PRKD3: variants seen among roughly 807,000 people sequenced by gnomAD.
The protein encoded by PRKD3 is serine/threonine-protein kinase D3.
A neutral mutation model predicts 99.2 loss-of-function variants in PRKD3; 47 were observed. The observed-to-expected ratio is 0.47, with a 90% CI of 0.38 to 0.60. PRKD3 has a LOEUF of 0.60. Ranked by LOEUF, PRKD3 falls within the 20% of genes least tolerant of loss-of-function variation. The pLI is 0.00. For missense variants in PRKD3, 1,019 were observed against 1,088.4 expected (o/e 0.94, Z 0.90); for synonymous variants, 392 against 355.4 (o/e 1.10, Z -1.16).
intron 3 of PRKD3, among the ~76,000 whole-genome samples, chr2:37,291,489 G>A (rs1299591076): frequency 6.6e-6 from 1 of 152,178 alleles, no homozygotes; most frequent in Non-Finnish European, 1.5e-5. Flanking sequence ...CTTAGTGAAC[G>A]TCGGGACAGT....
rs1273633664 is a variant in PRKD3, at chr2:37,256,673, A to G, written c.2402T>C (p.Ile801Thr). Residue 801 changes from isoleucine to threonine, a missense_variant, in exon 17 of 19, where the codon ATT (isoleucine) becomes ACT (threonine). By Grantham distance (89) the Ile-to-Thr change is moderately conservative (BLOSUM62 -1). Around this residue, in one of 3 missense-constraint regions of PRKD3, gnomAD observed 125 missense variants for 120.6 expected, o/e 1.04. Coordinates refer to ENST00000234179, the MANE Select transcript of PRKD3 (RefSeq NM_005813.6). ...TTTTTTTTTTTTACCTTCACCAGAA[A>G]TTTCTCTCCATGGATTTGGTGGGTA... ...FMYPPNPWRE[I>T]SGEAIDLINN... 2.3e-6 allele frequency: 3 copies of G among 1,315,234 alleles called. No homozygotes were observed. In the South Asian group the frequency reaches 4.5e-5, roughly 20 times the overall value. 81.5% of individuals were successfully genotyped at this position (1,315,234 alleles called of 1,614,324 possible). A position where few individuals can be genotyped will look rare whatever the true frequency, so the allele number is the denominator to read the frequency against.
At chr2:37,300,433 T>A (rs989533982) in intron 2 of PRKD3, among the ~76,000 whole-genome samples, 8 of 152,076 alleles carry the variant, frequency 5.3e-5, no homozygotes, top group Non-Finnish European at 1.0e-4. Context: ...TACAGTTAGA[T>A]AGAAAAAATA....
chr2:37,265,217 T>C (rs1668756555), intron 14 of PRKD3, among the ~76,000 whole-genome samples: 1 of 152,046 alleles, frequency 6.6e-6, no homozygotes, highest in South Asian at 2.1e-4. Flanking sequence ...TACAGTTGGA[T>C]GGGGAAGAGG....
rs553200192 is a variant in PRKD3, at chr2:37,272,211, A to G, written c.1704+169T>C. Reference sequence around the variant, plus strand: ...AGTTAGCTTTATTTTTAATTTTAAAAATCTGCCCTAGTTTCCTCTATAAAG... The same window carrying G: ...AGTTAGCTTTATTTTTAATTTTAAAGATCTGCCCTAGTTTCCTCTATAAAG... On this transcript the variant is annotated intron_variant, in intron 12 of 18. Transcript: ENST00000234179. 2.6e-5 allele frequency among the ~76,000 whole-genome samples: 4 copies of G among 152,298 alleles called. No homozygotes were observed. The East Asian group carries it at 7.7e-4, about 29-fold the overall frequency.
intron 6 of PRKD3, among the ~76,000 whole-genome samples, chr2:37,283,743 T>C (rs139861345): frequency 2.0e-5 from 3 of 152,066 alleles, no homozygotes; most frequent in African/African-American, 7.2e-5. Context: ...TTTCAGCACT[T>C]TGGGAGGCCA....
chr2:37,294,745 A>C (rs1054269978), intron 2 of PRKD3, among the ~76,000 whole-genome samples: 1 of 152,232 alleles, frequency 6.6e-6, no homozygotes, highest in African/African-American at 2.4e-5. Flanking sequence ...AGTTACAAAA[A>C]TTTGTAAGGA....
In PRKD3 at chr2:37,279,897, G is replaced by T. The variant is rs778287373; in HGVS notation, c.1021C>A (p.Pro341Thr). The change falls in exon 8 of 19, where the codon CCA (proline) becomes ACA (threonine). Residue 341 changes from proline to threonine, a missense_variant. Transcript: ENST00000234179. Reference protein sequence around the residue: ...PSSLGTDTDIPMDIDNNDINS... With the variant: ...PSSLGTDTDITMDIDNNDINS... ...ATGTCATTATTGTCAATATCCATTG[G>T]TATATCTGTATCTGTTCCCAGACTG... is the stretch of plus-strand genomic sequence containing the variant. 8.1e-6 allele frequency: 13 copies of T among 1,611,864 alleles called. No individual in the cohort carries two copies. In the East Asian group the frequency reaches 8.9e-5, roughly 11 times the overall value.
At chr2:37,316,128 G>A in intron 2 of PRKD3, 109 bp downstream of exon 2, 1 of 1,186,144 alleles carries the variant, frequency 8.4e-7, no homozygotes. Flanking sequence ...AAAATGCACA[G>A]AATAAACTAC....
At chr2:37,312,524 T>A (rs1039811599) in intron 2 of PRKD3, among the ~76,000 whole-genome samples, 13 of 152,246 alleles carry the variant, frequency 8.5e-5, no homozygotes, top group African/African-American at 3.1e-4. Flanking sequence ...TAAATAAGAG[T>A]CCTTTTCACA....
chr2:37,290,717 G>T, intron 4 of PRKD3, 151 bp downstream of exon 4: 1 of 761,796 alleles, frequency 1.3e-6, no homozygotes, highest in Non-Finnish European at 2.0e-6. Context: ...GAAGTAGGTG[G>T]CAGAGATAAA....
intron 2 of PRKD3, among the ~76,000 whole-genome samples, chr2:37,308,002 C>T (rs773053834): frequency 6.6e-6 from 1 of 152,232 alleles, no homozygotes; most frequent in South Asian, 2.1e-4. Context: ...CTCCCCCATA[C>T]TGCGAACGCC....
In PRKD3 at chr2:37,293,177, G is replaced by C; in HGVS notation, c.383C>G (p.Ala128Gly). 6.2e-7 allele frequency: 1 copy of C among 1,604,010 alleles called. No homozygotes were observed. The highest frequency in any genetic ancestry group is 1.7e-5 in the Admixed American group (1 of 59,928). The change falls in exon 3 of 19, where the codon GCA becomes GGA. Residue 128 changes from alanine to glycine, a missense_variant. By Grantham distance (60) the Ala-to-Gly change is moderately conservative (BLOSUM62 0). This residue lies in a region of PRKD3 where 710 missense variants were observed against 692.7 expected (regional missense o/e 1.02). Coordinates refer to ENST00000234179, the MANE Select transcript of PRKD3 (RefSeq NM_005813.6). ...SENILQLITSADEIHEGDLVE... is the reference protein window; with the variant it reads ...SENILQLITSGDEIHEGDLVE... Reference sequence around the variant, plus strand: ...TAGGTCTCCTTCATGTATTTCATCTGCTGAGGTAATCAGCTGCAAAATGTT... The same window carrying C: ...TAGGTCTCCTTCATGTATTTCATCTCCTGAGGTAATCAGCTGCAAAATGTT...
intron 13 of PRKD3, 30 bp from the exon 14 acceptor site, chr2:37,267,566 G>A (rs1249749397): frequency 6.9e-7 from 1 of 1,447,820 alleles, no homozygotes; most frequent in African/African-American, 1.4e-5. Flanking sequence ...AGGAACGAAT[G>A]AAGCAAACTG....
chr2:37,283,105 T>G (rs907939165), intron 6 of PRKD3, among the ~76,000 whole-genome samples: 1 of 152,344 alleles, frequency 6.6e-6, no homozygotes, highest in South Asian at 2.1e-4. Context: ...TACATAATGG[T>G]TCTCTTCAGC....
At chr2:37,273,277 C>G (rs1221642347) in intron 11 of PRKD3, among the ~76,000 whole-genome samples, 2 of 152,094 alleles carry the variant, frequency 1.3e-5, no homozygotes, top group Non-Finnish European at 2.9e-5. Context: ...ACATAGAGTT[C>G]TGTCTAAAAA....
At chr2:37,272,967 G>A (rs1446138931) in intron 11 of PRKD3, among the ~76,000 whole-genome samples, 12 of 149,326 alleles carry the variant, frequency 8.0e-5, no homozygotes, top group African/African-American at 2.0e-4. Context: ...GCGACATAGC[G>A]AGACCCTGTC....
At chr2:37,281,539 T>C (rs1266733955) in intron 7 of PRKD3, among the ~76,000 whole-genome samples, 4 of 152,148 alleles carry the variant, frequency 2.6e-5, no homozygotes, top group Admixed American at 6.5e-5. Context: ...CATTCCACCA[T>C]GTGAGAATGC....
chr2:37,316,178 A>G (rs1671646659), intron 2 of PRKD3, 59 bp downstream of exon 2: 2 of 1,479,556 alleles, frequency 1.4e-6, no homozygotes, highest in East Asian at 2.3e-5. Flanking sequence ...TACACGTATA[A>G]TTTATAGAAA....
chr2:37,313,805 CAAT>C (rs1671547211), intron 2 of PRKD3, among the ~76,000 whole-genome samples: 1 of 152,158 alleles, frequency 6.6e-6, no homozygotes, highest in African/African-American at 2.4e-5. Flanking sequence ...CCTCAACTTA[CAAT>C]AGGATAAACT....
Sources: allele counts gnomAD v4.1 joint callset (sites outside exome capture counted in the v4.1 genomes callset), GRCh38; gene constraint gnomAD v4.1.1; regional missense constraint gnomAD v4.1.1; transcripts MANE v1.5; gene names NCBI Gene and HGNC (gene_info 2026-07-23, HGNC 2026-07-21).